Variants in PEX16 observed in about 807,000 individuals in gnomAD.
PEX16 encodes peroxin 16.
Under a neutral mutation model 50.5 loss-of-function variants are expected in PEX16, and 37 were observed. That is an observed-to-expected ratio of 0.73 (90% CI 0.56 to 0.96). The LOEUF (loss-of-function observed/expected upper bound fraction) is 0.96, where lower values mean the gene tolerates loss of function less well. Ranked by LOEUF, PEX16 falls within the 40% of genes least tolerant of loss-of-function variation. The probability of loss-of-function intolerance (pLI) is 0.00; values close to 1 mark genes in which losing one functional copy is unlikely to be tolerated. For synonymous variants in PEX16, 185 were observed against 190.3 expected (o/e 0.97, Z 0.23); for missense variants, 401 against 438.3 (o/e 0.91, Z 0.76).
chr11:45,911,674 T>A (rs1425199454), intron 9 of PEX16, among the ~76,000 whole-genome samples: 2 of 152,210 alleles, frequency 1.3e-5, no homozygotes, highest in African/African-American at 4.8e-5. Flanking sequence ...TGCCCAAGGC[T>A]ACACATCTGG....
Position 45,913,914 on chromosome 11 carries a change from C to T in PEX16, c.792G>A (p.Lys264=), listed in dbSNP as rs1181248062. ...CCCGCCGCTCCCTCCGGGTCAGGCCCTTTCTGTCACTCAGGAGGCTCAGGC... is the reference window on the plus strand; with the variant it reads ...CCCGCCGCTCCCTCCGGGTCAGGCCTTTTCTGTCACTCAGGAGGCTCAGGC... The part of the protein sequence containing the change: ...VTSLSLLSDR[K]GLTRRERREL... The change falls in exon 9 of 11, where the codon AAG becomes AAA. Residue 264 remains lysine (K), a synonymous_variant. Transcript: ENST00000378750. The T allele has an allele frequency of 3.1e-6, 5 of 1,613,308 alleles. No individual in the cohort carries two copies. The highest frequency in any genetic ancestry group is 4.2e-6 in the Non-Finnish European group (5 of 1,180,006).
Position 45,917,746 on chromosome 11 carries a change from C to A in PEX16, c.66G>T (p.Thr22=). Reference sequence around the variant, plus strand: ...CCCGCACTGCTGTCTCCAGCTGGGCCGTGGCGGCCGGGTGACGAGTCACGT... The same window carrying A: ...CCCGCACTGCTGTCTCCAGCTGGGCAGTGGCGGCCGGGTGACGAGTCACGT... ...QEYVTRHPAA[T]AQLETAVRGF... The change falls in exon 1 of 11, where the codon ACG becomes ACT. Residue 22 remains threonine (T), a synonymous_variant. Coordinates refer to ENST00000378750, the MANE Select transcript of PEX16 (RefSeq NM_004813.4). 1 of 1,558,510 alleles carries A rather than the reference C, an allele frequency of 6.4e-7. No homozygotes were observed. The highest frequency in any genetic ancestry group is 2.4e-5 in the East Asian group (1 of 41,964).
chr11:45,911,603 G>T (rs1266412245), intron 9 of PEX16, among the ~76,000 whole-genome samples: 1 of 152,186 alleles, frequency 6.6e-6, no homozygotes, highest in Non-Finnish European at 1.5e-5. Context: ...CTACAAAGTG[G>T]GTACTGTCAT....
At chr11:45,917,026 G>A in intron 2 of PEX16, 1 of 480,860 alleles carries the variant, frequency 2.1e-6, no homozygotes. Flanking sequence ...AGCAGTCACT[G>A]GGCAAACACT....
intron 9 of PEX16, among the ~76,000 whole-genome samples, 161 bp downstream of exon 9, chr11:45,913,658 G>A (rs569794268): frequency 3.3e-5 from 5 of 152,290 alleles, no homozygotes; most frequent in East Asian, 3.9e-4. Flanking sequence ...AGAGCTCTGC[G>A]GGCGGGACTG....
In PEX16 at chr11:45,915,455, G is replaced by A; in HGVS notation, c.460+13C>T. 1.2e-6 allele frequency: 2 copies of A among 1,608,462 alleles called. No individual in the cohort carries two copies. The highest frequency in any genetic ancestry group is 8.5e-7 in the Non-Finnish European group (1 of 1,174,826). On this transcript the variant is annotated intron_variant, in intron 5 of 10. Coordinates refer to ENST00000378750, the MANE Select transcript of PEX16 (RefSeq NM_004813.4). ...TGGCCCATTCCGCTCCAGGGCTTGG[G>A]GAAGTAGCTCACCCGGGGGCTGTGC... is the stretch of plus-strand genomic sequence containing the variant.
rs774416603 is a variant in PEX16, at chr11:45,914,670, G to A, written c.475C>T (p.Pro159Ser). The A allele has an allele frequency of 1.8e-5, 29 of 1,614,032 alleles. No individual in the cohort carries two copies. In the South Asian group the frequency reaches 3.2e-4, roughly 18 times the overall value. The change falls in exon 6 of 11, where the codon CCT becomes TCT. Residue 159 changes from proline to serine, a missense_variant. Transcript: ENST00000378750. Reference protein sequence around the residue: ...QAQPPDGDHSPGNHEQSYVGK... With the variant: ...QAQPPDGDHSSGNHEQSYVGK... ...ACGTAGGACTGCTCATGGTTGCCAG[G>A]GCTGTGGTCACCATCTAGCAGGGAT...
rs776023539 is a variant in PEX16, at chr11:45,910,140, C to T, written c.*114G>A. ...GTGGCGACCAGGGCTGTGTGTGGGG[C>T]CTGGCCGGTAGGCACGGAGAGGCCG... On this transcript the variant is annotated 3_prime_UTR_variant, in exon 11 of 11. Transcript: ENST00000378750. 4 of 1,611,718 alleles carry T rather than the reference C, an allele frequency of 2.5e-6. No individual in the cohort carries two copies. The African/African-American group carries it at 4.0e-5, about 16-fold the overall frequency.
intron 2 of PEX16, 146 bp downstream of exon 2, chr11:45,917,312 C>A: frequency 1.3e-6 from 1 of 749,948 alleles, no homozygotes; most frequent in Non-Finnish European, 2.3e-6. Flanking sequence ...GGACAATGAA[C>A]AACAGACCTT....
intron 3 of PEX16, 24 bp from the exon 4 acceptor site, chr11:45,915,860 G>C: frequency 1.9e-6 from 3 of 1,612,790 alleles, no homozygotes; most frequent in Non-Finnish European, 2.5e-6. Flanking sequence ...AGGCCAAGAA[G>C]TCAGGGGGCC....
chr11:45,917,054 C>G, intron 2 of PEX16: 1 of 510,216 alleles, frequency 2.0e-6, no homozygotes, highest in Non-Finnish European at 3.8e-6. Flanking sequence ...TAGTTACAAT[C>G]TGGGAATCCT....
chr11:45,916,386 C>A, intron 2 of PEX16, 83 bp from the exon 3 acceptor site: 1 of 1,067,636 alleles, frequency 9.4e-7, no homozygotes, highest in Non-Finnish European at 1.4e-6. Context: ...CAGGGATCAC[C>A]TGTCACATGC....
chr11:45,917,750 G>T lies in PEX16; in HGVS notation c.62C>A (p.Ala21Asp). The change falls in exon 1 of 11, where the codon GCC becomes GAC. Residue 21 changes from alanine to aspartate, a missense_variant. Transcript: ENST00000378750. ...YQEYVTRHPAATAQLETAVRG... is the reference protein window; with the variant it reads ...YQEYVTRHPADTAQLETAVRG... ...CACTGCTGTCTCCAGCTGGGCCGTG[G>T]CGGCCGGGTGACGAGTCACGTACTC... 6.4e-7 allele frequency: 1 copy of T among 1,557,398 alleles called. No individual in the cohort carries two copies.
chr11:45,915,848 C>T lies in PEX16; in HGVS notation c.226-12G>A, dbSNP rs770166678. The T allele has an allele frequency of 1.9e-6, 3 of 1,613,540 alleles. No individual in the cohort carries two copies. Among genetic ancestry groups the T allele is most frequent in the Admixed American group, 3.3e-5 (2 of 60,002 alleles). ...TGCTGGGACAGCGACTGCAAGAACC[C>T]CAGGCCAAGAAGTCAGGGGGCCTGG... On this transcript the variant is annotated splice_polypyrimidine_tract_variant and intron_variant, in intron 3 of 10. Coordinates refer to ENST00000378750, the MANE Select transcript of PEX16 (RefSeq NM_004813.4).
At chr11:45,910,845 T>C in intron 10 of PEX16, 53 bp downstream of exon 10, 2 of 1,426,734 alleles carry the variant, frequency 1.4e-6, no homozygotes, top group Non-Finnish European at 2.0e-6. Context: ...GGGAGGTGCT[T>C]GCATGCATGC....
At chr11:45,910,334 T>TCAGGG (rs778659731) in intron 10 of PEX16, 22 bp from the exon 11 acceptor site, 5 of 1,591,546 alleles carry the variant, frequency 3.1e-6, no homozygotes, top group Non-Finnish European at 4.3e-6. Flanking sequence ...GAGGGACACA[T>TCAGGG]CAGGGCAGGC....
In PEX16 at chr11:45,915,558, G is replaced by T. The variant is rs754748410; in HGVS notation, c.370C>A (p.Arg124=). ...TTGAACCAGAGCAGCAGGAGCATCC[G>T]CAGTACAGCCCTGGGTCGGGGAGTA... is the stretch of plus-strand genomic sequence containing the variant. ...ALVQLAKAVL[R]MLLLLWFKAG... is the part of the protein sequence containing the mutation. The change falls in exon 5 of 11, where the codon CGG becomes AGG. Residue 124 remains arginine, a synonymous_variant. Transcript: ENST00000378750. 5.0e-6 allele frequency: 8 copies of T among 1,614,118 alleles called. No homozygotes were observed. Among genetic ancestry groups the T allele is most frequent in the Non-Finnish European group, 5.9e-6 (7 of 1,180,002 alleles).
upstream of PEX16, chr11:45,917,933 G>C: frequency 1.5e-5 from 11 of 752,346 alleles, no homozygotes; most frequent in South Asian, 1.5e-4. Context: ...AACTTCCGCG[G>C]GCCAGAAGGC....
At position 45,917,348 on chromosome 11, in the gene PEX16, T is replaced by C. The variant is rs566086143; in HGVS notation, c.148+110A>G. ...GTGCCGATTCAGTCATAGCACAAGGTGTCTAACGGGCAGCCCAGGTCCTCG... is the reference window on the plus strand; with the variant it reads ...GTGCCGATTCAGTCATAGCACAAGGCGTCTAACGGGCAGCCCAGGTCCTCG... On this transcript the variant is annotated intron_variant, in intron 2 of 10. Transcript: ENST00000378750. 5.1e-5 allele frequency: 46 copies of C among 907,028 alleles called. 1 individual carries two copies. The East Asian group carries it at 6.6e-4, about 13-fold the overall frequency. 56.2% of individuals were successfully genotyped at this position (907,028 alleles called of 1,614,324 possible). A position where few individuals can be genotyped will look rare whatever the true frequency, so the allele number is the denominator to read the frequency against.
Sources: allele counts gnomAD v4.1 joint callset (sites outside exome capture counted in the v4.1 genomes callset), GRCh38; gene constraint gnomAD v4.1.1; transcripts MANE v1.5; gene names NCBI Gene and HGNC (gene_info 2026-07-23, HGNC 2026-07-21).